The following UTP6 variants were observed in gnomAD, a reference collection of about 807,000 sequenced individuals.
UTP6 encodes the protein UTP6 small subunit processome component.
Under a neutral mutation model 96.5 loss-of-function variants are expected in UTP6, and 60 were observed. The observed-to-expected ratio is 0.62, with a 90% CI of 0.51 to 0.77. The LOEUF is 0.77. UTP6 is among the 30% of genes least tolerant of loss of function. UTP6 has a pLI of 0.00. For missense variants in UTP6, 637 were observed against 706.5 expected (o/e 0.90, Z 1.12); for synonymous variants, 215 against 240.1 (o/e 0.90, Z 0.96).
rs539111208 is a variant in UTP6 at position 31,868,051 on chromosome 17, C to G, written c.1558G>C (p.Glu520Gln). The G allele has an allele frequency of 3.7e-6, 6 of 1,613,134 alleles. No individual in the cohort carries two copies. ...TGCTGAAACAGAACACTTACTTGCT[C>G]CTTTTCAAACTGAATCATTTTCCTG... is the stretch of plus-strand genomic sequence containing the variant. ...FFRKMIQFEK[E>Q]QESCNMANIR... The change falls in exon 17 of 19, where the codon GAG (glutamate) becomes CAG (glutamine). Residue 520 changes from glutamate (E) to glutamine (Q), a missense_variant. By Grantham distance (29) the Glu-to-Gln change is conservative. Coordinates refer to ENST00000261708, the MANE Select transcript of UTP6 (RefSeq NM_018428.3).
In UTP6 at chr17:31,899,660, T is replaced by C; in HGVS notation, c.163A>G (p.Ile55Val). ...TACACACTTACTTGAACATAATTGA[T>C]AAAGTCTTCCTTGAAAAGGGTTCTT... ...QRRTLFKEDF[I>V]NYVQYEINLL... Residue 55 changes from isoleucine (I) to valine (V), a missense_variant, in exon 2 of 19, where the codon ATC (isoleucine) becomes GTC (valine). Transcript: ENST00000261708. 2 of 1,597,956 alleles carry C rather than the reference T, an allele frequency of 1.3e-6. No homozygotes were observed. Among genetic ancestry groups the C allele is most frequent in the Non-Finnish European group, 1.7e-6 (2 of 1,174,556 alleles).
intron 16 of UTP6, among the ~76,000 whole-genome samples, chr17:31,872,853 CG>C (rs1215181977): frequency 6.7e-6 from 1 of 148,420 alleles, no homozygotes; most frequent in Non-Finnish European, 1.5e-5. Context: ...CAAAATTAGC[CG>C]GGCGTGGTGT....
At chr17:31,882,662 C>T (rs1910912366) in intron 10 of UTP6, among the ~76,000 whole-genome samples, 2 of 152,194 alleles carry the variant, frequency 1.3e-5, no homozygotes, top group African/African-American at 2.4e-5. Flanking sequence ...AAAGCACAAC[C>T]TACTCCTCTC....
At chr17:31,892,558 T>C (rs192730339) in intron 5 of UTP6, among the ~76,000 whole-genome samples, 189 bp downstream of exon 5, 304 of 152,300 alleles carry the variant, frequency 2.0e-3, no homozygotes, top group African/African-American at 7.0e-3. Context: ...ACGTAAAAAT[T>C]ATATTCTTTT....
chr17:31,875,873 T>G (rs951655155), intron 13 of UTP6, among the ~76,000 whole-genome samples: 19 of 150,480 alleles, frequency 1.3e-4, no homozygotes, highest in Non-Finnish European at 2.4e-4. Context: ...CTTATAGGTA[T>G]CAAAACAAAT....
intron 1 of UTP6, chr17:31,901,235 C>T (rs1904963200): frequency 1.0e-5 from 4 of 381,094 alleles, no homozygotes; most frequent in Non-Finnish European, 2.0e-5. Context: ...TGTCTGTCTC[C>T]CCCACCACAC....
At position 31,875,240 on chromosome 17, in the gene UTP6, T is replaced by C. The variant is rs1413714426; in HGVS notation, c.1299A>G (p.Lys433=). The change falls in exon 14 of 19, where the codon AAA becomes AAG. Residue 433 remains lysine, a synonymous_variant. Transcript: ENST00000261708. Reference sequence around the variant, plus strand: ...AAAGATCCAGCTCACTGACCTGGGGTTTCAGGTGCACAAAGGCTTCTTCAA... The same window carrying C: ...AAAGATCCAGCTCACTGACCTGGGGCTTCAGGTGCACAAAGGCTTCTTCAA... ...MLFEEAFVHL[K]PQVCLPLWIS... is the part of the protein sequence containing the mutation. The C allele has an allele frequency of 6.2e-7, 1 of 1,613,776 alleles. No homozygotes were observed. The highest frequency in any genetic ancestry group is 1.7e-5 in the Admixed American group (1 of 59,936).
intron 2 of UTP6, among the ~76,000 whole-genome samples, chr17:31,895,832 C>A (rs1407838946): frequency 6.6e-6 from 1 of 151,710 alleles, no homozygotes; most frequent in Admixed American, 6.6e-5. Flanking sequence ...CCGTGCCCGG[C>A]CCATCAATCC....
chr17:31,873,355 C>A (rs775327184), intron 16 of UTP6, 23 bp downstream of exon 16: 1 of 1,611,714 alleles, frequency 6.2e-7, no homozygotes, highest in Non-Finnish European at 8.5e-7. Context: ...GGACTAGTAA[C>A]AACTATGAAC....
At chr17:31,872,777 A>T (rs1910255918) in intron 16 of UTP6, among the ~76,000 whole-genome samples, 1 of 151,376 alleles carries the variant, frequency 6.6e-6, no homozygotes, top group Non-Finnish European at 1.5e-5. Flanking sequence ...AAGACAAGCA[A>T]ATCACTTGAG....
chr17:31,864,391 CAAAATA>C (rs1408570813), intron 18 of UTP6, among the ~76,000 whole-genome samples: 1 of 151,952 alleles, frequency 6.6e-6, no homozygotes, highest in Non-Finnish European at 1.5e-5. Flanking sequence ...TGTCTCAAAA[CAAAATA>C]AAAATAAACA....
chr17:31,898,857 A>G (rs1172000107), intron 2 of UTP6, among the ~76,000 whole-genome samples: 1 of 152,180 alleles, frequency 6.6e-6, no homozygotes, highest in Admixed American at 6.6e-5. Context: ...CCTAGCCAAC[A>G]TGGCAAAACC....
In UTP6 at chr17:31,878,706, C is replaced by T. The variant is rs1910643638; in HGVS notation, c.1043G>A (p.Gly348Glu). 1 of 1,613,838 alleles carries T rather than the reference C, an allele frequency of 6.2e-7. No individual in the cohort carries two copies. The highest frequency in any genetic ancestry group is 1.7e-5 in the Admixed American group (1 of 59,966). ...TKKSNSGFLR[G>E]KRLERTMTVF... ...GTAACCATGTAACAACCTCACCTTC[C>T]CTCTAAGGAACCCACTATTTGACTT... is the stretch of plus-strand genomic sequence containing the variant. Residue 348 changes from glycine (G) to glutamate (E), a missense_variant, in exon 12 of 19, where the codon GGG (glycine) becomes GAG (glutamate). Physicochemically the swap from Gly to Glu is moderately conservative, Grantham distance 98 (BLOSUM62 -2). Transcript: ENST00000261708.
rs1444457248 is a variant in UTP6 at position 31,863,055 on chromosome 17, A to G, written c.*304T>C. 1 of 274,814 alleles carries G rather than the reference A, an allele frequency of 3.6e-6. No homozygotes were observed. The highest frequency in any genetic ancestry group is 6.9e-6 in the Non-Finnish European group (1 of 145,586). 17.0% of individuals were successfully genotyped at this position (274,814 alleles called of 1,614,324 possible). A position where few individuals can be genotyped will look rare whatever the true frequency, so the allele number is the denominator to read the frequency against. ...TTCTCTTTACTGGAATCAGATTAGC[A>G]CATCAAACTGAGCAGTGTCATGCAC... is the stretch of plus-strand genomic sequence containing the variant. On this transcript the variant is annotated 3_prime_UTR_variant, in exon 19 of 19. Coordinates refer to ENST00000261708, the MANE Select transcript of UTP6 (RefSeq NM_018428.3).
At chr17:31,890,866 A>G (rs1256890007) in intron 6 of UTP6, among the ~76,000 whole-genome samples, 1 of 151,666 alleles carries the variant, frequency 6.6e-6, no homozygotes, top group African/African-American at 2.4e-5. Context: ...GCACATCTGT[A>G]ATCCCAGCTA....
intron 11 of UTP6, among the ~76,000 whole-genome samples, chr17:31,879,242 C>T (rs1910682703): frequency 6.6e-6 from 1 of 151,142 alleles, no homozygotes; most frequent in African/African-American, 2.4e-5. Context: ...ATACAAAAAT[C>T]CATGGGGCAT....
At chr17:31,885,527 C>T (rs1040766530) in intron 9 of UTP6, among the ~76,000 whole-genome samples, 2 of 151,732 alleles carry the variant, frequency 1.3e-5, no homozygotes, top group Non-Finnish European at 1.5e-5. Flanking sequence ...TGGTGGCTCA[C>T]GCCTGTAATC....
intron 7 of UTP6, among the ~76,000 whole-genome samples, chr17:31,888,845 G>T (rs1487383749): frequency 6.6e-6 from 1 of 152,190 alleles, no homozygotes; most frequent in Non-Finnish European, 1.5e-5. Context: ...GTGGAGGCGG[G>T]CGGATGACCA....
rs1450520521 is a variant in UTP6 at position 31,901,526 on chromosome 17, C to A, written c.92+10G>T. The stretch of plus-strand genomic sequence containing the variant: ...GCCTCAGCTCTTCCCTCTCCCCAAC[C>A]CTCTCTCACTTAATCTCCGCATGAC... On this transcript the variant is annotated intron_variant, in intron 1 of 18. Transcript: ENST00000261708. 1.2e-6 allele frequency: 2 copies of A among 1,613,734 alleles called. No homozygotes were observed. Among genetic ancestry groups the A allele is most frequent in the African/African-American group, 1.3e-5 (1 of 75,040 alleles).
Sources: allele counts gnomAD v4.1 joint callset (sites outside exome capture counted in the v4.1 genomes callset), GRCh38; gene constraint gnomAD v4.1.1; transcripts MANE v1.5; gene names NCBI Gene and HGNC (gene_info 2026-07-23, HGNC 2026-07-21).